CDH18: variants seen among roughly 807,000 people sequenced by gnomAD.
CDH18 encodes cadherin 18.
Under a neutral mutation model 67.9 loss-of-function variants are expected in CDH18, and 31 were observed. That is an observed-to-expected ratio of 0.46 (90% CI 0.34 to 0.62). CDH18 has a LOEUF of 0.62. CDH18 is among the 20% of genes least tolerant of loss of function. The probability of loss-of-function intolerance (pLI) is 0.01; values close to 1 mark genes in which losing one functional copy is unlikely to be tolerated. For synonymous variants in CDH18, 362 were observed against 347.2 expected, an observed-to-expected ratio of 1.04 and a Z score of -0.48; for missense variants, 890 against 975.5, an observed-to-expected ratio of 0.91 and a Z score of 1.17.
At chr5:20,256,974 A>G (rs56181193) in intron 1 of CDH18, among the ~76,000 whole-genome samples, 41,087 of 129,814 alleles carry the variant, frequency 0.32, 6,581 homozygotes, top group South Asian at 0.38. Context: ...ATCTATCTAT[A>G]TCTATATCTA....
intron 1 of CDH18, among the ~76,000 whole-genome samples, chr5:20,398,450 T>C (rs1406830941): frequency 6.6e-6 from 1 of 152,216 alleles, no homozygotes; most frequent in African/African-American, 2.4e-5. Context: ...ATTTTAATAC[T>C]GTTCTGTATT....
intron 8 of CDH18, among the ~76,000 whole-genome samples, chr5:19,568,832 G>T (rs375013762): frequency 6.6e-6 from 1 of 152,064 alleles, no homozygotes; most frequent in Non-Finnish European, 1.5e-5. Context: ...TTATAGCAGC[G>T]TAAAGTGACT....
chr5:20,262,912 G>T (rs1404227877), intron 1 of CDH18, among the ~76,000 whole-genome samples: 4 of 147,264 alleles, frequency 2.7e-5, no homozygotes, highest in South Asian at 2.2e-4. Flanking sequence ...AAGCAGGAAA[G>T]AAAGAAGGGA....
intron 1 of CDH18, among the ~76,000 whole-genome samples, chr5:20,565,156 A>C (rs2126656648): frequency 6.6e-6 from 1 of 152,284 alleles, no homozygotes; most frequent in Non-Finnish European, 1.5e-5. Context: ...TACTCAAGGG[A>C]ATCCACCATC....
At chr5:20,062,031 A>G (rs533472945) in intron 2 of CDH18, among the ~76,000 whole-genome samples, 153 of 152,158 alleles carry the variant, frequency 1.0e-3, no homozygotes, top group African/African-American at 3.4e-3. Flanking sequence ...ACAATGGTGA[A>G]GGCATTGTTA....
intron 2 of CDH18, among the ~76,000 whole-genome samples, chr5:20,054,949 G>T (rs1741774187): frequency 6.6e-6 from 1 of 152,142 alleles, no homozygotes; most frequent in Admixed American, 6.5e-5. Flanking sequence ...AGGCTCCCTT[G>T]TAAGAAGCCA....
chr5:19,481,367 A>G (rs1238870773), intron 12 of CDH18, among the ~76,000 whole-genome samples: 1 of 152,100 alleles, frequency 6.6e-6, no homozygotes, highest in Non-Finnish European at 1.5e-5. Flanking sequence ...ATTATCAAAG[A>G]TCATTTTTCT....
chr5:20,095,439 GAAAGA>G (rs1386370195), intron 2 of CDH18, among the ~76,000 whole-genome samples: 37 of 117,712 alleles, frequency 3.1e-4, no homozygotes, highest in African/African-American at 1.0e-3. Context: ...AAGAAAGAAA[GAAAGA>G]AAAGAAAGAA....
intron 3 of CDH18, among the ~76,000 whole-genome samples, chr5:19,776,576 GA>G (rs1279327332): frequency 3.3e-5 from 5 of 151,942 alleles, no homozygotes; most frequent in Non-Finnish European, 7.4e-5. Context: ...AAAATGGGAG[GA>G]AAAAAGGCGT....
chr5:20,502,952 T>C (rs914075298), intron 1 of CDH18, among the ~76,000 whole-genome samples: 7 of 152,152 alleles, frequency 4.6e-5, no homozygotes, highest in African/African-American at 1.7e-4. Flanking sequence ...AAACTTAATA[T>C]GAATAAATTC....
At chr5:20,369,846 CA>C (rs1287719244) in intron 1 of CDH18, among the ~76,000 whole-genome samples, 3 of 152,148 alleles carry the variant, frequency 2.0e-5, no homozygotes, top group African/African-American at 7.2e-5. Flanking sequence ...AACTTTTTAA[CA>C]TAAAATTTCC....
intron 2 of CDH18, among the ~76,000 whole-genome samples, chr5:19,896,202 C>CA (rs1414871961): frequency 2.0e-5 from 3 of 151,800 alleles, no homozygotes; most frequent in Non-Finnish European, 2.9e-5. Context: ...ACTAAAAGTA[C>CA]AAAAAAATTA....
At chr5:19,489,489 T>C (rs572286263) in intron 11 of CDH18, among the ~76,000 whole-genome samples, 14 of 152,150 alleles carry the variant, frequency 9.2e-5, no homozygotes, top group East Asian at 3.9e-4. Context: ...CCTTGTGATC[T>C]GCCCCCCTTG....
intron 4 of CDH18, among the ~76,000 whole-genome samples, chr5:19,736,282 G>T (rs1196786529): frequency 4.6e-5 from 7 of 152,114 alleles, no homozygotes; most frequent in Non-Finnish European, 1.0e-4. Flanking sequence ...GTGGGAGGCT[G>T]AGGAGGGAGG....
chr5:20,539,847 T>C (rs1350559168), intron 1 of CDH18, among the ~76,000 whole-genome samples: 4 of 151,998 alleles, frequency 2.6e-5, no homozygotes, highest in African/African-American at 9.7e-5. Flanking sequence ...CAAGTTGAGT[T>C]TGAAAATCTC....
At chr5:19,693,659 G>A (rs1762187519) in intron 5 of CDH18, among the ~76,000 whole-genome samples, 1 of 152,242 alleles carries the variant, frequency 6.6e-6, no homozygotes, top group East Asian at 1.9e-4. Context: ...CACTTTGGGA[G>A]GCCAAGGCAG....
intron 2 of CDH18, among the ~76,000 whole-genome samples, chr5:19,964,755 T>C (rs1173637671): frequency 6.6e-6 from 1 of 152,006 alleles, no homozygotes; most frequent in African/African-American, 2.4e-5. Flanking sequence ...ATATTTTGGC[T>C]AATTCCGTTA....
intron 1 of CDH18, among the ~76,000 whole-genome samples, chr5:20,363,186 T>C (rs1160738231): frequency 6.6e-6 from 1 of 152,070 alleles, no homozygotes; most frequent in Non-Finnish European, 1.5e-5. Context: ...TACTGTCCTG[T>C]TTAAAAGCCA....
At chr5:20,438,256 A>G (rs1749334020) in intron 1 of CDH18, among the ~76,000 whole-genome samples, 1 of 148,652 alleles carries the variant, frequency 6.7e-6, no homozygotes, top group Non-Finnish European at 1.5e-5. Context: ...ATATATATGT[A>G]TGTATATATA....
Sources: gnomAD v4.1 joint callset for allele counts (sites outside exome capture counted in the v4.1 genomes callset) on GRCh38, gnomAD v4.1.1 for gene constraint, MANE v1.5 for transcripts, NCBI Gene and HGNC (gene_info 2026-07-23, HGNC 2026-07-21) for gene names.